BMP6: variants seen among roughly 807,000 people sequenced by gnomAD.
The protein encoded by BMP6 is VG-1-R.
A neutral mutation model predicts 54.1 loss-of-function variants in BMP6; 17 were observed. The observed-to-expected ratio is 0.31, with a 90% confidence interval of 0.22 to 0.47. The LOEUF is 0.47. Among genes scored for constraint, BMP6 ranks in the 20% least tolerant of loss-of-function variants. BMP6 has a pLI of 1.00. For missense variants in BMP6, 720 were observed against 690.4 expected (o/e 1.04, Z -0.48); for synonymous variants, 328 against 291.2 (o/e 1.13, Z -1.28).
chr6:7,767,085 C>T (rs1382468136), intron 1 of BMP6, among the ~76,000 whole-genome samples: 1 of 151,446 alleles, frequency 6.6e-6, no homozygotes, highest in Non-Finnish European at 1.5e-5. Context: ...CTCCCGGGTT[C>T]ACGCCATTCT....
At chr6:7,800,535 G>A (rs994890014) in intron 1 of BMP6, among the ~76,000 whole-genome samples, 11 of 152,108 alleles carry the variant, frequency 7.2e-5, no homozygotes, top group African/African-American at 2.2e-4. Flanking sequence ...TGTCTGGGAG[G>A]CCCAGTCTAA....
At position 7,727,236 on chromosome 6, in the gene BMP6, G is replaced by T; in HGVS notation, c.281G>T (p.Arg94Leu). ...LSVLGLPHRP[R>L]PLHGLQQPQP... is the part of the protein sequence containing the mutation. The stretch of plus-strand genomic sequence containing the variant: ...GTGCTGGGGCTCCCGCACCGGCCCC[G>T]GCCCCTGCACGGCCTCCAACAGCCG... Residue 94 changes from arginine (R) to leucine (L), a missense_variant, in exon 1 of 7, where the codon CGG (arginine) becomes CTG (leucine). Physicochemically the swap from Arg to Leu is moderately radical, Grantham distance 102 (BLOSUM62 -2). Transcript: ENST00000283147. 8.7e-6 allele frequency: 14 copies of T among 1,606,406 alleles called. No homozygotes were observed. The highest frequency in any genetic ancestry group is 1.2e-5 in the Non-Finnish European group (14 of 1,177,180).
intron 2 of BMP6, among the ~76,000 whole-genome samples, chr6:7,860,215 G>T (rs1759313272): frequency 6.6e-6 from 1 of 152,218 alleles, no homozygotes; most frequent in African/African-American, 2.4e-5. Context: ...TAGGATTGGT[G>T]TAAGGACCAA....
chr6:7,796,678 T>TA (rs1264991368), intron 1 of BMP6, among the ~76,000 whole-genome samples: 3 of 152,208 alleles, frequency 2.0e-5, no homozygotes, highest in Admixed American at 1.3e-4. Context: ...AAGCGATACT[T>TA]ATAAAATAAA....
intron 1 of BMP6, among the ~76,000 whole-genome samples, chr6:7,829,782 G>A (rs1581266773): frequency 6.6e-6 from 1 of 152,084 alleles, no homozygotes; most frequent in South Asian, 2.1e-4. Flanking sequence ...GGTCTTCTTT[G>A]CCTCCCGCCT....
chr6:7,769,375 G>GT (rs1757748124), intron 1 of BMP6, among the ~76,000 whole-genome samples: 1 of 152,192 alleles, frequency 6.6e-6, no homozygotes, highest in Non-Finnish European at 1.5e-5. Context: ...TGCCTGGGGG[G>GT]GTGGGAGTTT....
chr6:7,862,143 AT>A (rs1759344503), intron 3 of BMP6, among the ~76,000 whole-genome samples, 157 bp from the exon 4 acceptor site: 1 of 152,194 alleles, frequency 6.6e-6, no homozygotes, highest in African/African-American at 2.4e-5. Flanking sequence ...ATGCCATCCC[AT>A]GGGTGCCAGG....
intron 1 of BMP6, among the ~76,000 whole-genome samples, chr6:7,751,056 C>T (rs1459204831): frequency 6.6e-6 from 1 of 152,172 alleles, no homozygotes; most frequent in Non-Finnish European, 1.5e-5. Context: ...CTCTTCCCGG[C>T]CATATTAAGC....
chr6:7,733,401 A>G (rs1761902791), intron 1 of BMP6, among the ~76,000 whole-genome samples: 3 of 152,236 alleles, frequency 2.0e-5, no homozygotes, highest in South Asian at 2.1e-4. Context: ...TCATAAATAT[A>G]TGAGTAAAAG....
intron 1 of BMP6, among the ~76,000 whole-genome samples, chr6:7,840,883 T>G (rs1300535320): frequency 6.6e-6 from 1 of 152,312 alleles, no homozygotes; most frequent in East Asian, 1.9e-4. Flanking sequence ...TCAGTGAGAT[T>G]TTGCTTACTG....
intron 1 of BMP6, among the ~76,000 whole-genome samples, chr6:7,775,978 C>A (rs913386236): frequency 6.6e-6 from 1 of 152,206 alleles, no homozygotes; most frequent in Non-Finnish European, 1.5e-5. Flanking sequence ...CCTCTACGTC[C>A]ATACCACCCT....
At chr6:7,809,778 G>A (rs1303268265) in intron 1 of BMP6, among the ~76,000 whole-genome samples, 7 of 152,164 alleles carry the variant, frequency 4.6e-5, no homozygotes, top group Admixed American at 2.0e-4. Flanking sequence ...TTCATACTGC[G>A]TTCAGCTTGC....
At chr6:7,864,321 C>T (rs1759383724) in intron 4 of BMP6, among the ~76,000 whole-genome samples, 1 of 152,206 alleles carries the variant, frequency 6.6e-6, no homozygotes, top group Non-Finnish European at 1.5e-5. Context: ...TCTGTTTCAG[C>T]TTCCATTTAC....
intron 1 of BMP6, among the ~76,000 whole-genome samples, chr6:7,795,950 G>A (rs1365222349): frequency 6.6e-6 from 1 of 152,150 alleles, no homozygotes; most frequent in Non-Finnish European, 1.5e-5. Flanking sequence ...GACATATGTT[G>A]AATTTGAGGT....
intron 1 of BMP6, among the ~76,000 whole-genome samples, chr6:7,825,289 G>C (rs997516284): frequency 6.6e-6 from 1 of 152,072 alleles, no homozygotes; most frequent in Non-Finnish European, 1.5e-5. Context: ...TAAAAGAAAA[G>C]AAAAAGAGAA....
intron 1 of BMP6, among the ~76,000 whole-genome samples, chr6:7,774,086 G>A (rs1189965524): frequency 6.6e-6 from 1 of 152,210 alleles, no homozygotes; most frequent in Non-Finnish European, 1.5e-5. Context: ...GTTAGCAGTG[G>A]CACCTGGACT....
chr6:7,745,698 G>A (rs1757336033), intron 1 of BMP6, among the ~76,000 whole-genome samples: 1 of 152,262 alleles, frequency 6.6e-6, no homozygotes, highest in South Asian at 2.1e-4. Context: ...GTAGGGAGGG[G>A]GCAGGATGAG....
At chr6:7,800,227 A>G (rs980043456) in intron 1 of BMP6, among the ~76,000 whole-genome samples, 2 of 152,098 alleles carry the variant, frequency 1.3e-5, no homozygotes, top group Non-Finnish European at 2.9e-5. Context: ...CCTGTACTAT[A>G]AAGTGGGATA....
chr6:7,792,561 C>G (rs1372173190), intron 1 of BMP6, among the ~76,000 whole-genome samples: 1 of 152,192 alleles, frequency 6.6e-6, no homozygotes, highest in African/African-American at 2.4e-5. Context: ...ATACCCGACT[C>G]AAACAGATAC....
Sources: allele counts gnomAD v4.1 joint callset (sites outside exome capture counted in the v4.1 genomes callset), GRCh38; gene constraint gnomAD v4.1.1; transcripts MANE v1.5; gene names NCBI Gene and HGNC (gene_info 2026-07-23, HGNC 2026-07-21).